The following TUBB6 variants were observed in gnomAD, a reference collection of about 807,000 sequenced individuals.
The protein encoded by TUBB6 is tubulin beta-6 chain.
In TUBB6, 18 loss-of-function variants were observed where a neutral mutation model predicts 32.3. The observed-to-expected ratio is 0.56, with a 90% CI of 0.39 to 0.83. The LOEUF is 0.83. Ranked by LOEUF, TUBB6 falls within the 40% of genes least tolerant of loss-of-function variation. TUBB6 has a pLI of 0.00. For synonymous variants in TUBB6, 280 were observed against 265.8 expected (o/e 1.05, Z -0.52); for missense variants, 480 against 632.0 (o/e 0.76, Z 2.58).
At chr18:12,308,488 G>A in intron 1 of TUBB6, 139 bp downstream of exon 1, 3 of 785,710 alleles carry the variant, frequency 3.8e-6, no homozygotes, top group Non-Finnish European at 5.4e-6. Flanking sequence ...CGCGAGGGCC[G>A]CAGGGAGGGA....
Position 12,326,137 on chromosome 18 carries a change from T to A in TUBB6, c.*7T>A. 1.9e-6 allele frequency: 3 copies of A among 1,605,774 alleles called. No individual in the cohort carries two copies. Among genetic ancestry groups the A allele is most frequent in the Non-Finnish European group, 2.6e-6 (3 of 1,175,508 alleles). On this transcript the variant is annotated 3_prime_UTR_variant, in exon 4 of 4. Coordinates refer to ENST00000317702, the MANE Select transcript of TUBB6 (RefSeq NM_032525.3). ...AGAGGAGATCGATGGATAGTCGGAA[T>A]AGAGCCGCCCCAACTCAGATCCTAC...
chr18:12,311,108 A>T, intron 3 of TUBB6, 55 bp downstream of exon 3: 1 of 1,400,532 alleles, frequency 7.1e-7, no homozygotes, highest in Non-Finnish European at 9.9e-7. Flanking sequence ...TAAATCAAAT[A>T]TTTTATATGC....
intron 2 of TUBB6, among the ~76,000 whole-genome samples, chr18:12,310,110 GGA>G (rs1321341068): frequency 6.6e-5 from 10 of 152,114 alleles, no homozygotes; most frequent in Non-Finnish European, 1.5e-4. Context: ...GCCTCTTCCT[GGA>G]ACCTCCTCTG....
intron 3 of TUBB6, among the ~76,000 whole-genome samples, chr18:12,319,214 G>A (rs932020954): frequency 6.6e-6 from 1 of 150,736 alleles, no homozygotes; most frequent in Admixed American, 6.6e-5. Flanking sequence ...CGCAATCTCG[G>A]CTCACTGCAA....
chr18:12,325,265 T>TC lies in TUBB6; in HGVS notation c.479dup (p.Asp161GlyfsTer49). 1 of 1,614,136 alleles carries TC rather than the reference T, an allele frequency of 6.2e-7. No individual in the cohort carries two copies. The highest frequency in any genetic ancestry group is 8.5e-7 in the Non-Finnish European group (1 of 1,180,014). ...CTCATCAGCAAGATCCGTGAGGAGT[T>TC]CCCGGACCGCATCATGAACACCTTC... On this transcript the variant is annotated frameshift_variant, in exon 4 of 4. Coordinates refer to ENST00000317702, the MANE Select transcript of TUBB6 (RefSeq NM_032525.3). LOFTEE classifies it high-confidence loss of function.
At chr18:12,319,362 C>G (rs1253217574) in intron 3 of TUBB6, among the ~76,000 whole-genome samples, 1 of 151,980 alleles carries the variant, frequency 6.6e-6, no homozygotes, top group African/African-American at 2.4e-5. Context: ...CCAGGCTGGT[C>G]TCGAACTCCT....
chr18:12,315,646 T>C (rs987487125), intron 3 of TUBB6, among the ~76,000 whole-genome samples: 1 of 152,204 alleles, frequency 6.6e-6, no homozygotes, highest in Non-Finnish European at 1.5e-5. Flanking sequence ...CCTGCACACA[T>C]ATCACGCCAG....
At chr18:12,323,246 G>A (rs138741035) in intron 3 of TUBB6, among the ~76,000 whole-genome samples, 9 of 152,218 alleles carry the variant, frequency 5.9e-5, no homozygotes, top group East Asian at 1.9e-4. Flanking sequence ...TCACAGCAAT[G>A]TATGAAAGCC....
chr18:12,319,524 C>A (rs1376602316), intron 3 of TUBB6, among the ~76,000 whole-genome samples: 1 of 152,118 alleles, frequency 6.6e-6, no homozygotes, highest in Non-Finnish European at 1.5e-5. Flanking sequence ...TGGGATCCTG[C>A]TATACACACC....
chr18:12,327,300 C>G (rs954316003), downstream of TUBB6, among the ~76,000 whole-genome samples: 2 of 152,214 alleles, frequency 1.3e-5, no homozygotes, highest in African/African-American at 4.8e-5. Context: ...GCAGAGCCCA[C>G]TCTGACCTGT....
chr18:12,322,161 G>A (rs562541180), intron 3 of TUBB6, among the ~76,000 whole-genome samples: 6 of 151,028 alleles, frequency 4.0e-5, no homozygotes, highest in African/African-American at 1.5e-4. Flanking sequence ...AATTAGCCGG[G>A]TGTGGTGGCA....
chr18:12,308,223 C>A, upstream of TUBB6: 1 of 1,195,094 alleles, frequency 8.4e-7, no homozygotes, highest in Admixed American at 3.6e-5. Context: ...GGCCCCGGGA[C>A]GCGCGCAGCC....
chr18:12,326,029 A>G lies in TUBB6; in HGVS notation c.1240A>G (p.Asn414Asp). ...AATGGAGTTCACCGAGGCGGAGAGC[A>G]ACATGAACGACCTGGTATCCGAGTA... ...DEMEFTEAES[N>D]MNDLVSEYQQ... Residue 414 changes from asparagine to aspartate, a missense_variant, in exon 4 of 4, where the codon AAC becomes GAC. By Grantham distance (23) the Asn-to-Asp change is conservative. Coordinates refer to ENST00000317702, the MANE Select transcript of TUBB6 (RefSeq NM_032525.3). 6.2e-7 allele frequency: 1 copy of G among 1,614,194 alleles called. No individual in the cohort carries two copies. The highest frequency in any genetic ancestry group is 8.5e-7 in the Non-Finnish European group (1 of 1,180,038).
chr18:12,321,124 C>T (rs1906966094), intron 3 of TUBB6, among the ~76,000 whole-genome samples: 1 of 152,148 alleles, frequency 6.6e-6, no homozygotes, highest in Non-Finnish European at 1.5e-5. Flanking sequence ...ATGTTTATAG[C>T]CTTTGCCTGT....
chr18:12,327,419 C>T (rs960369300), downstream of TUBB6, among the ~76,000 whole-genome samples: 10 of 152,248 alleles, frequency 6.6e-5, no homozygotes, highest in African/African-American at 1.4e-4. Context: ...GATCCCAGGC[C>T]TTACATTGAC....
At chr18:12,324,305 G>C (rs1294782392) in intron 3 of TUBB6, among the ~76,000 whole-genome samples, 1 of 152,122 alleles carries the variant, frequency 6.6e-6, no homozygotes, top group Non-Finnish European at 1.5e-5. Context: ...AGGAGGCGGA[G>C]CTTGCAATGA....
downstream of TUBB6, chr18:12,329,249 C>A: frequency 1.4e-6 from 1 of 701,890 alleles, no homozygotes; most frequent in Middle Eastern, 2.6e-4. Context: ...CGATCCCTGC[C>A]ACACGGTCAG....
chr18:12,308,110 C>T (rs1015326749), upstream of TUBB6: 4 of 186,210 alleles, frequency 2.1e-5, no homozygotes, highest in African/African-American at 7.2e-5. Flanking sequence ...CGCGCGTCCT[C>T]CCTCGGCTGC....
chr18:12,310,780 C>T lies in TUBB6; in HGVS notation c.167-163C>T, dbSNP rs139147535. Among the ~76,000 whole-genome samples, 1,367 of 152,316 alleles carry T rather than the reference C, an allele frequency of 9.0e-3. 13 individuals carry two copies. Among genetic ancestry groups the T allele is most frequent in the South Asian group, 0.012 (58 of 4,832 alleles). ...CTGAGATTACAGGGATGAGCCAGTG[C>T]GCCCAGCCAATTCTGTGATTCTAAG... On this transcript the variant is annotated intron_variant, in intron 2 of 3. Transcript: ENST00000317702.
Sources: allele counts gnomAD v4.1 joint callset (sites outside exome capture counted in the v4.1 genomes callset), GRCh38; gene constraint gnomAD v4.1.1; transcripts MANE v1.5; gene names NCBI Gene and HGNC (gene_info 2026-07-23, HGNC 2026-07-21).